Variants in PRIM2 observed in about 807,000 individuals in gnomAD.
PRIM2 encodes DNA primase subunit 2.
Under a neutral mutation model 67.3 loss-of-function variants are expected in PRIM2, and 39 were observed. The ratio of observed to expected loss-of-function variants is 0.58; its 90% CI spans 0.45 to 0.76. The LOEUF is 0.76. Among genes scored for constraint, PRIM2 ranks in the 30% least tolerant of loss-of-function variants. The pLI, the probability that PRIM2 is intolerant of heterozygous loss-of-function variation, is 0.00. For synonymous variants in PRIM2, 143 were observed against 198.7 expected (o/e 0.72, Z 2.36); for missense variants, 398 against 598.7 (o/e 0.66, Z 3.50).
At chr6:57,380,180 C>T (rs1562721588) in intron 6 of PRIM2, among the ~76,000 whole-genome samples, 184 bp downstream of exon 6, 1 of 152,172 alleles carries the variant, frequency 6.6e-6, no homozygotes, top group African/African-American at 2.4e-5. Flanking sequence ...TCTCCTTCCA[C>T]GGACGCATTC....
At chr6:57,514,283 G>A (rs1281842811) in intron 8 of PRIM2, among the ~76,000 whole-genome samples, 1 of 152,120 alleles carries the variant, frequency 6.6e-6, no homozygotes, top group African/African-American at 2.4e-5. Context: ...ATCCAAAGTG[G>A]TACAGCTATC....
chr6:57,468,757 C>A (rs1203064513), intron 7 of PRIM2, among the ~76,000 whole-genome samples: 1 of 152,090 alleles, frequency 6.6e-6, no homozygotes, highest in Non-Finnish European at 1.5e-5. Flanking sequence ...AGAACCCTGA[C>A]TAATATATAC....
the PRIM2 span, among the ~76,000 whole-genome samples, chr6:57,271,541 G>A: frequency 1.2e-4 from 18 of 152,042 alleles, no homozygotes; most frequent in Admixed American, 3.3e-4. Context: ...AGTCTTGCTC[G>A]TGGTCTATCA....
At chr6:57,587,490 C>G (rs1776211587) in intron 10 of PRIM2, among the ~76,000 whole-genome samples, 3 of 151,718 alleles carry the variant, frequency 2.0e-5, no homozygotes, top group Admixed American at 6.6e-5. Flanking sequence ...TGGTGAAACC[C>G]CATCTCTACT....
intron 7 of PRIM2, among the ~76,000 whole-genome samples, chr6:57,462,560 G>A (rs1392165745): frequency 6.6e-6 from 1 of 152,174 alleles, no homozygotes; most frequent in Non-Finnish European, 1.5e-5. Flanking sequence ...GGGTTATGTA[G>A]GTGTTTGTTT....
chr6:57,398,850 T>A (rs1446837739), intron 7 of PRIM2, among the ~76,000 whole-genome samples: 2 of 152,114 alleles, frequency 1.3e-5, no homozygotes, highest in Non-Finnish European at 2.9e-5. Context: ...GCATATATAT[T>A]TAGGATGGTT....
rs561164955 is a variant in PRIM2 at position 57,336,100 on chromosome 6, A to C, written c.459+10055A>C. On this transcript the variant is annotated intron_variant, in intron 5 of 13. Transcript: ENST00000615550. ...GAGCCGATGCGATCAACTGGAAGAAAAGATATCAGCAATGGAAGATGAAAT... is the reference window on the plus strand; with the variant it reads ...GAGCCGATGCGATCAACTGGAAGAACAGATATCAGCAATGGAAGATGAAAT... Among the ~76,000 whole-genome samples the C allele has an allele frequency of 1.7e-3, 259 of 152,346 alleles. 1 individual carries two copies. Among genetic ancestry groups the C allele is most frequent in the African/African-American group, 6.0e-3 (249 of 41,578 alleles).
intron 7 of PRIM2, among the ~76,000 whole-genome samples, chr6:57,482,520 G>A (rs1243105026): frequency 3.3e-5 from 5 of 152,126 alleles, no homozygotes; most frequent in Admixed American, 2.6e-4. Flanking sequence ...CAGTTCATTG[G>A]TATATGCAAA....
At chr6:57,476,426 G>C (rs1269738083) in intron 7 of PRIM2, among the ~76,000 whole-genome samples, 1 of 152,128 alleles carries the variant, frequency 6.6e-6, no homozygotes, top group Non-Finnish European at 1.5e-5. Flanking sequence ...TAAATACCAA[G>C]TTGCAGCTAC....
At chr6:57,422,810 T>C (rs773214162) in intron 7 of PRIM2, among the ~76,000 whole-genome samples, 10 of 152,142 alleles carry the variant, frequency 6.6e-5, no homozygotes, top group Non-Finnish European at 1.0e-4. Context: ...TTATGACCTT[T>C]CAGAATAAAT....
At chr6:57,305,542 G>A in the PRIM2 span, among the ~76,000 whole-genome samples, 2 of 152,184 alleles carry the variant, frequency 1.3e-5, no homozygotes, top group African/African-American at 4.8e-5. Flanking sequence ...TGCCAGGATC[G>A]AGATGGATTC....
At chr6:57,495,254 G>T (rs1441080544) in intron 7 of PRIM2, among the ~76,000 whole-genome samples, 1 of 152,108 alleles carries the variant, frequency 6.6e-6, no homozygotes, top group East Asian at 1.9e-4. Context: ...AAACTAAACC[G>T]AATGAGTCCA....
intron 7 of PRIM2, among the ~76,000 whole-genome samples, chr6:57,431,030 T>A (rs1431945728): frequency 2.0e-5 from 3 of 152,202 alleles, no homozygotes; most frequent in Admixed American, 1.3e-4. Flanking sequence ...CATTCATAAC[T>A]GGATTTTAGG....
intron 7 of PRIM2, among the ~76,000 whole-genome samples, chr6:57,462,559 A>C (rs1430498763): frequency 2.6e-5 from 4 of 152,192 alleles, no homozygotes; most frequent in African/African-American, 4.8e-5. Context: ...GGGGTTATGT[A>C]GGTGTTTGTT....
chr6:57,514,757 T>C (rs1290236309), intron 8 of PRIM2, among the ~76,000 whole-genome samples: 2 of 152,254 alleles, frequency 1.3e-5, no homozygotes, highest in African/African-American at 2.4e-5. Context: ...GGCACTATAA[T>C]TGGTACTGAT....
chr6:57,477,977 A>T (rs1185197135), intron 7 of PRIM2, among the ~76,000 whole-genome samples: 3 of 152,224 alleles, frequency 2.0e-5, no homozygotes, highest in African/African-American at 7.2e-5. Flanking sequence ...ATATAAATAA[A>T]AATAAATGAA....
At chr6:57,503,372 T>A (rs1414882198) in intron 7 of PRIM2, among the ~76,000 whole-genome samples, 1 of 152,226 alleles carries the variant, frequency 6.6e-6, no homozygotes, top group Non-Finnish European at 1.5e-5. Context: ...AGTATAGATT[T>A]AGTCAATATT....
chr6:57,384,927 T>A (rs958242174), intron 7 of PRIM2, among the ~76,000 whole-genome samples: 1 of 152,246 alleles, frequency 6.6e-6, no homozygotes, highest in African/African-American at 2.4e-5. Context: ...TTGCAAAGTT[T>A]AAATAAATTT....
At chr6:57,613,905 G>A (rs1415968190) in intron 12 of PRIM2, among the ~76,000 whole-genome samples, 3 of 152,118 alleles carry the variant, frequency 2.0e-5, no homozygotes, top group Admixed American at 2.0e-4. Flanking sequence ...AGGCTGGAGT[G>A]CAATGGTGCG....
Sources: gnomAD v4.1 joint callset for allele counts (sites outside exome capture counted in the v4.1 genomes callset) on GRCh38, gnomAD v4.1.1 for gene constraint, MANE v1.5 for transcripts, NCBI Gene and HGNC (gene_info 2026-07-23, HGNC 2026-07-21) for gene names.